THADA: variants seen among roughly 807,000 people sequenced by gnomAD.
The protein encoded by THADA is THADA armadillo repeat containing.
THADA carries 213 observed loss-of-function variants against 219.8 expected under a neutral mutation model. That is an observed-to-expected ratio of 0.97 (90% CI 0.87 to 1.09). The LOEUF is 1.09. Ranked by LOEUF, THADA falls within the 50% of genes least tolerant of loss-of-function variation. THADA has a pLI of 0.00. For missense variants in THADA, 2,956 were observed against 2,311.3 expected, an observed-to-expected ratio of 1.28 and a Z score of -5.72; for synonymous variants, 1,018 against 828.9, an observed-to-expected ratio of 1.23 and a Z score of -3.92.
chr2:43,296,196 C>T (rs1194703525), intron 31 of THADA, among the ~76,000 whole-genome samples: 4 of 149,748 alleles, frequency 2.7e-5, no homozygotes, highest in African/African-American at 4.9e-5. Context: ...GGGATTACAG[C>T]GTGAGCCACC....
At chr2:43,266,631 C>G (rs1671552137) in intron 36 of THADA, among the ~76,000 whole-genome samples, 1 of 152,040 alleles carries the variant, frequency 6.6e-6, no homozygotes, top group African/African-American at 2.4e-5. Flanking sequence ...ACAACATGAT[C>G]CACTCTGCTG....
chr2:43,261,937 A>AT (rs1484986380), intron 36 of THADA, among the ~76,000 whole-genome samples: 3 of 151,570 alleles, frequency 2.0e-5, no homozygotes, highest in Non-Finnish European at 4.4e-5. Context: ...GCGCCTGGCA[A>AT]TTTTTTGTAT....
chr2:43,428,029 A>T, intron 28 of THADA, 71 bp downstream of exon 28: 1 of 1,048,350 alleles, frequency 9.5e-7, no homozygotes, highest in Non-Finnish European at 1.3e-6. Context: ...TTTCTGAAAT[A>T]AGAAGAAGAT....
At chr2:43,523,780 A>G (rs1053352402) in intron 22 of THADA, among the ~76,000 whole-genome samples, 8 of 152,232 alleles carry the variant, frequency 5.3e-5, no homozygotes, top group African/African-American at 1.9e-4. Flanking sequence ...TCTGTAGATT[A>G]AGCTACATTA....
At chr2:43,503,251 C>G (rs559482146) in intron 24 of THADA, among the ~76,000 whole-genome samples, 14 of 152,238 alleles carry the variant, frequency 9.2e-5, no homozygotes, top group Non-Finnish European at 1.9e-4. Flanking sequence ...TAAGGAGACA[C>G]ACAAGAATGT....
intron 23 of THADA, 108 bp from the exon 24 acceptor site, chr2:43,505,843 T>C: frequency 2.6e-6 from 2 of 779,722 alleles, no homozygotes; most frequent in East Asian, 2.7e-5. Context: ...TAAAAACATG[T>C]GGTTATCAAA....
At chr2:43,569,821 G>A (rs1416616940) in intron 14 of THADA, among the ~76,000 whole-genome samples, 2 of 152,194 alleles carry the variant, frequency 1.3e-5, no homozygotes, top group African/African-American at 2.4e-5. Flanking sequence ...CTGTTCTGCT[G>A]AAAAGAAATT....
chr2:43,554,276 GC>G (rs1223532905), intron 17 of THADA, among the ~76,000 whole-genome samples: 1 of 152,052 alleles, frequency 6.6e-6, no homozygotes, highest in African/African-American at 2.4e-5. Flanking sequence ...TTTTGAGCTA[GC>G]TTTTGTATAT....
At chr2:43,279,983 G>C in intron 35 of THADA, 87 bp from the exon 36 acceptor site, 1 of 1,294,268 alleles carries the variant, frequency 7.7e-7, no homozygotes, top group Non-Finnish European at 1.0e-6. Context: ...GTGGAAGAGA[G>C]GAGCATTGAA....
At chr2:43,559,633 G>A (rs1038802562) in intron 16 of THADA, among the ~76,000 whole-genome samples, 1 of 152,188 alleles carries the variant, frequency 6.6e-6, no homozygotes, top group Non-Finnish European at 1.5e-5. Context: ...CACACAATGT[G>A]TTCACTTCCA....
chr2:43,487,809 C>A (rs898668463), intron 25 of THADA, among the ~76,000 whole-genome samples: 1 of 152,120 alleles, frequency 6.6e-6, no homozygotes, highest in African/African-American at 2.4e-5. Context: ...GAATCTGCCA[C>A]CATATTGATC....
intron 25 of THADA, among the ~76,000 whole-genome samples, chr2:43,489,553 GA>G (rs1309380640): frequency 6.6e-6 from 1 of 152,078 alleles, no homozygotes; most frequent in Non-Finnish European, 1.5e-5. Flanking sequence ...TGAGTCATCT[GA>G]ATATGGTATG....
chr2:43,448,416 C>A (rs971049730), intron 26 of THADA, among the ~76,000 whole-genome samples: 1 of 152,144 alleles, frequency 6.6e-6, no homozygotes, highest in Admixed American at 6.5e-5. Context: ...GTGCTTTGAT[C>A]AATGGTTGCT....
Position 43,551,791 on chromosome 2 carries a change from G to GA in THADA, c.2944dup (p.Ser982PhefsTer13). 1 of 1,612,056 alleles carries GA rather than the reference G, an allele frequency of 6.2e-7. No individual in the cohort carries two copies. Among genetic ancestry groups the GA allele is most frequent in the East Asian group, 2.2e-5 (1 of 44,824 alleles). ...GCCGGCCTTCTTCATTTGCTAACCT[G>GA]AATCAGTGTCCATTGGGATGAGGCC... On this transcript the variant is annotated frameshift_variant, in exon 19 of 38. Transcript: ENST00000405975. LOFTEE classifies it high-confidence loss of function.
Position 43,231,199 on chromosome 2 carries a change from G to A in THADA, c.5611C>T (p.Leu1871Phe). The change falls in exon 38 of 38, where the codon CTT becomes TTT. Residue 1871 changes from leucine to phenylalanine, a missense_variant. By Grantham distance (22) the Leu-to-Phe change is conservative. Transcript: ENST00000405975. ...RPPSPEMLCH[L>F]QRMVSEQCHL... ...CACTGCTCTGACACCATCCTTTGAAGGTGACAGAGCATCTCAGGGCTTGGG... is the reference window on the plus strand; with the variant it reads ...CACTGCTCTGACACCATCCTTTGAAAGTGACAGAGCATCTCAGGGCTTGGG... 1 of 1,613,890 alleles carries A rather than the reference G, an allele frequency of 6.2e-7. No individual in the cohort carries two copies. The highest frequency in any genetic ancestry group is 8.5e-7 in the Non-Finnish European group (1 of 1,179,826).
At chr2:43,591,931 T>A in intron 3 of THADA, 21 bp downstream of exon 3, 1 of 1,457,944 alleles carries the variant, frequency 6.9e-7, no homozygotes, top group Non-Finnish European at 9.2e-7. Flanking sequence ...GATGCATCCA[T>A]GAATATCAAT....
chr2:43,430,701 C>G (rs1359391489), intron 26 of THADA: 5 of 454,364 alleles, frequency 1.1e-5, no homozygotes, highest in Non-Finnish European at 8.8e-6. Flanking sequence ...GTTCCCAACC[C>G]TGGCACCAAT....
At chr2:43,524,956 A>C (rs1171491548) in intron 22 of THADA, among the ~76,000 whole-genome samples, 1 of 152,126 alleles carries the variant, frequency 6.6e-6, no homozygotes, top group Non-Finnish European at 1.5e-5. Context: ...TCTCCACCAA[A>C]GACTGCAATC....
intron 29 of THADA, among the ~76,000 whole-genome samples, chr2:43,349,006 G>C (rs1020806910): frequency 1.3e-5 from 2 of 152,154 alleles, no homozygotes; most frequent in African/African-American, 4.8e-5. Context: ...AAGCTTTGTT[G>C]CCCTAAGATG....
Sources: allele counts gnomAD v4.1 joint callset (sites outside exome capture counted in the v4.1 genomes callset), GRCh38; gene constraint gnomAD v4.1.1; transcripts MANE v1.5; gene names NCBI Gene and HGNC (gene_info 2026-07-23, HGNC 2026-07-21).